Variants in RNF111 observed in about 807,000 individuals in gnomAD.
The protein encoded by RNF111 is ring finger protein 111.
Under a neutral mutation model 95.1 loss-of-function variants are expected in RNF111, and 17 were observed. The ratio of observed to expected loss-of-function variants is 0.18; its 90% CI spans 0.12 to 0.27. RNF111 has a LOEUF of 0.27. Among genes scored for constraint, RNF111 ranks in the 10% least tolerant of loss-of-function variants. RNF111 has a pLI of 1.00. For synonymous variants in RNF111, 440 were observed against 414.8 expected (o/e 1.06, Z -0.74); for missense variants, 1,189 against 1,210.4 (o/e 0.98, Z 0.26).
chr15:59,069,202 T>C (rs2140077284), intron 6 of RNF111, among the ~76,000 whole-genome samples: 1 of 152,236 alleles, frequency 6.6e-6, no homozygotes, highest in East Asian at 1.9e-4. Flanking sequence ...TTTGGTAACA[T>C]TTCTTGGTAT....
At chr15:59,037,712 T>C (rs1334266963) in intron 2 of RNF111, among the ~76,000 whole-genome samples, 2 of 152,172 alleles carry the variant, frequency 1.3e-5, no homozygotes, top group Non-Finnish European at 2.9e-5. Context: ...GGCGCATGCC[T>C]GTAATCCCAG....
At chr15:59,024,088 T>G (rs2040481848) in intron 1 of RNF111, among the ~76,000 whole-genome samples, 1 of 152,186 alleles carries the variant, frequency 6.6e-6, no homozygotes, top group African/African-American at 2.4e-5. Context: ...AGTTATATGG[T>G]AAATATCTTG....
intron 1 of RNF111, among the ~76,000 whole-genome samples, chr15:59,001,737 T>G (rs532502011): frequency 3.9e-5 from 6 of 152,194 alleles, no homozygotes; most frequent in Non-Finnish European, 5.9e-5. Context: ...CTACAAAACA[T>G]ACATTATCAT....
intron 1 of RNF111, among the ~76,000 whole-genome samples, chr15:59,029,062 G>C (rs936159103): frequency 1.3e-5 from 2 of 152,240 alleles, no homozygotes; most frequent in East Asian, 1.9e-4. Flanking sequence ...TTACAGACAT[G>C]AGCCACCGCG....
Position 59,058,285 on chromosome 15 carries a change from A to G in RNF111, c.1172-71A>G. On this transcript the variant is annotated intron_variant, in intron 4 of 13. Transcript: ENST00000348370. ...TTTATTTATTAATTATAAACACATT[A>G]GCTTACATTAAAATATAACCCTTTA... 3.3e-6 allele frequency: 4 copies of G among 1,215,572 alleles called. No homozygotes were observed. In the South Asian group the frequency reaches 3.7e-5, roughly 11 times the overall value. 75.3% of individuals were successfully genotyped at this position (1,215,572 alleles called of 1,614,324 possible).
At chr15:59,019,286 G>T (rs2141632149) in intron 1 of RNF111, among the ~76,000 whole-genome samples, 1 of 152,084 alleles carries the variant, frequency 6.6e-6, no homozygotes, top group African/African-American at 2.4e-5. Flanking sequence ...ACAAAATAAT[G>T]AGAAAATGCA....
At chr15:59,048,352 G>A (rs1370249443) in intron 2 of RNF111, among the ~76,000 whole-genome samples, 1 of 152,194 alleles carries the variant, frequency 6.6e-6, no homozygotes, top group African/African-American at 2.4e-5. Flanking sequence ...AAAAGTGTAT[G>A]CAATGTGTGA....
At chr15:58,995,050 T>C (rs2038996272) in intron 1 of RNF111, among the ~76,000 whole-genome samples, 1 of 152,224 alleles carries the variant, frequency 6.6e-6, no homozygotes, top group Non-Finnish European at 1.5e-5. Context: ...CATATCTCTT[T>C]AGTCTCCTGT....
intron 2 of RNF111, among the ~76,000 whole-genome samples, chr15:59,038,295 C>T (rs187893878): frequency 8.5e-4 from 129 of 152,196 alleles, no homozygotes; most frequent in South Asian, 2.5e-3. Context: ...TTATATTAGG[C>T]TTTAAAAAAT....
intron 1 of RNF111, among the ~76,000 whole-genome samples, chr15:58,989,624 A>T (rs2038723109): frequency 6.6e-6 from 1 of 152,228 alleles, no homozygotes; most frequent in South Asian, 2.1e-4. Context: ...AGAAAGGTAT[A>T]AACAAAGTGA....
chr15:59,014,665 C>A (rs1209661288), intron 1 of RNF111, among the ~76,000 whole-genome samples: 2 of 151,980 alleles, frequency 1.3e-5, no homozygotes, highest in Non-Finnish European at 2.9e-5. Context: ...AAAAAATGAT[C>A]TCTCTTTGGG....
intron 1 of RNF111, among the ~76,000 whole-genome samples, chr15:58,991,167 G>A (rs1241228883): frequency 3.3e-5 from 5 of 151,998 alleles, no homozygotes; most frequent in Non-Finnish European, 7.4e-5. Flanking sequence ...CATGGTGGTG[G>A]CATGCGCCTG....
intron 6 of RNF111, among the ~76,000 whole-genome samples, chr15:59,073,756 C>G (rs1289682623): frequency 6.6e-6 from 1 of 152,198 alleles, no homozygotes; most frequent in Admixed American, 6.5e-5. Flanking sequence ...TTAATGACAT[C>G]TAGAATGGTG....
At chr15:59,029,018 G>A (rs111430438) in intron 1 of RNF111, among the ~76,000 whole-genome samples, 2,696 of 152,220 alleles carry the variant, frequency 0.018, 91 homozygotes, top group African/African-American at 0.061. Flanking sequence ...GGCCTCCAGT[G>A]ATCCGCCCGC....
At chr15:59,041,959 A>ATTTTTTT (rs775444330) in intron 2 of RNF111, among the ~76,000 whole-genome samples, 2 of 108,460 alleles carry the variant, frequency 1.8e-5, no homozygotes, top group Non-Finnish European at 1.8e-5. Context: ...CAGTCTGTTC[A>ATTTTTTT]TATTTTTTTT....
At chr15:59,009,846 C>T (rs1269556523) in intron 1 of RNF111, among the ~76,000 whole-genome samples, 1 of 152,100 alleles carries the variant, frequency 6.6e-6, no homozygotes, top group Non-Finnish European at 1.5e-5. Flanking sequence ...GTCCCAGTTA[C>T]CTGGGAGGCT....
At chr15:59,005,597 A>T (rs1441304570) in intron 1 of RNF111, among the ~76,000 whole-genome samples, 1 of 152,052 alleles carries the variant, frequency 6.6e-6, no homozygotes, top group African/African-American at 2.4e-5. Flanking sequence ...TCTAATCTTC[A>T]AGAGGAATTT....
intron 1 of RNF111, among the ~76,000 whole-genome samples, chr15:59,000,890 A>T (rs1335049766): frequency 6.6e-6 from 1 of 152,202 alleles, no homozygotes; most frequent in Non-Finnish European, 1.5e-5. Flanking sequence ...TTGGGCACAT[A>T]GTAGTGATCA....
chr15:59,014,894 A>G (rs1466368281), intron 1 of RNF111, among the ~76,000 whole-genome samples: 3 of 151,886 alleles, frequency 2.0e-5, no homozygotes, highest in Admixed American at 6.6e-5. Context: ...TAGCTGGGAC[A>G]TGTGTGCGCC....
Sources: allele counts gnomAD v4.1 joint callset (sites outside exome capture counted in the v4.1 genomes callset), GRCh38; gene constraint gnomAD v4.1.1; transcripts MANE v1.5; gene names NCBI Gene and HGNC (gene_info 2026-07-23, HGNC 2026-07-21).